Variants in AP3S2 observed in about 807,000 individuals in gnomAD.
The protein encoded by AP3S2 is AP-3 complex subunit sigma-2.
AP3S2 carries 22 observed loss-of-function variants against 23.4 expected under a neutral mutation model. The ratio of observed to expected loss-of-function variants is 0.94; its 90% confidence interval spans 0.67 to 1.34. The LOEUF is 1.34. AP3S2 is among the 40% of genes most tolerant of loss of function. The pLI is 0.00. For missense variants in AP3S2, 241 were observed against 236.9 expected (o/e 1.02, Z -0.11); for synonymous variants, 86 against 87.1 (o/e 0.99, Z 0.07).
At chr15:89,890,795 G>A (rs1262365264) in intron 1 of AP3S2, among the ~76,000 whole-genome samples, 1 of 152,168 alleles carries the variant, frequency 6.6e-6, no homozygotes, top group East Asian at 1.9e-4. Context: ...TTATTTAAAA[G>A]AAACAGAGAG....
intron 3 of AP3S2, among the ~76,000 whole-genome samples, chr15:89,881,614 G>C (rs1294571369): frequency 1.4e-5 from 2 of 141,616 alleles, no homozygotes; most frequent in African/African-American, 4.9e-5. Context: ...GATTTCACTG[G>C]ACAAGTGGTT....
In AP3S2 at chr15:89,854,964, C is replaced by T. The variant is rs1387662197; in HGVS notation, c.345+16511G>A. Among the ~76,000 whole-genome samples the T allele has an allele frequency of 8.9e-5, 7 of 78,888 alleles. 1 individual carries two copies. The highest frequency in any genetic ancestry group is 1.9e-4 in the Non-Finnish European group (7 of 37,060). The allele number at this position is 78,888 out of a possible 152,430, so 51.8% of individuals were successfully genotyped here. Reference sequence around the variant, plus strand: ...CCGGGAGGTGAGGGGCACCTCTGCCCGGCCGCCCCTACTGGGAAGTGAGGA... The same window carrying T: ...CCGGGAGGTGAGGGGCACCTCTGCCTGGCCGCCCCTACTGGGAAGTGAGGA... On this transcript the variant is annotated intron_variant, in intron 4 of 5. Transcript: ENST00000336418.
intron 5 of AP3S2, 21 bp downstream of exon 5, chr15:89,837,594 A>G (rs1383175909): frequency 1.9e-6 from 3 of 1,613,894 alleles, no homozygotes; most frequent in Admixed American, 3.3e-5. Flanking sequence ...AGCCAGGGCT[A>G]GAGCACAGCT....
chr15:89,847,464 G>T (rs919495847), intron 4 of AP3S2, among the ~76,000 whole-genome samples: 1 of 147,628 alleles, frequency 6.8e-6, no homozygotes, highest in African/African-American at 2.5e-5. Context: ...AAAAATAAAA[G>T]TGTTTCTTCA....
In AP3S2 at chr15:89,832,029, G is replaced by A. The variant is rs1014723206; in HGVS notation, c.*3486C>T. 2 of 152,246 alleles carry A rather than the reference G, an allele frequency of 1.3e-5. No homozygotes were observed. The highest frequency in any genetic ancestry group is 4.8e-5 in the African/African-American group (2 of 41,460). The allele number at this position is 152,246 out of a possible 1,614,324, so 9.4% of individuals were successfully genotyped here. A position where few individuals can be genotyped will look rare whatever the true frequency, so the allele number is the denominator to read the frequency against. ...GATGCTCACAGAGACAACAGGAGCA[G>A]ACAGAGCCTTGTTTCTCTCTTAATC... On this transcript the variant is annotated 3_prime_UTR_variant, in exon 6 of 6. Transcript: ENST00000336418.
intron 3 of AP3S2, chr15:89,877,515 C>A: frequency 3.0e-6 from 2 of 657,324 alleles, no homozygotes; most frequent in Non-Finnish European, 4.8e-6. Flanking sequence ...TCATAATGTG[C>A]AACCATCACC....
chr15:89,882,430 A>T (rs1896593887), intron 3 of AP3S2, among the ~76,000 whole-genome samples: 1 of 149,560 alleles, frequency 6.7e-6, no homozygotes, highest in African/African-American at 2.5e-5. Flanking sequence ...ATTTCAGCCC[A>T]CCACAACCCC....
intron 4 of AP3S2, among the ~76,000 whole-genome samples, chr15:89,855,562 T>C (rs1895809050): frequency 6.8e-6 from 1 of 146,304 alleles, no homozygotes; most frequent in African/African-American, 2.5e-5. Context: ...GAATGGACTT[T>C]CCCAGGCCAG....
chr15:89,842,458 G>C (rs1033625268), intron 4 of AP3S2, among the ~76,000 whole-genome samples: 5 of 152,288 alleles, frequency 3.3e-5, no homozygotes, highest in African/African-American at 1.2e-4. Context: ...CTTTAGGTAA[G>C]GTTTCTGGGT....
At chr15:89,849,574 AGC>A (rs1408200601) in intron 4 of AP3S2, among the ~76,000 whole-genome samples, 1 of 152,010 alleles carries the variant, frequency 6.6e-6, no homozygotes, top group Non-Finnish European at 1.5e-5. Flanking sequence ...TCACTATGTT[AGC>A]CAGGATGGTC....
At chr15:89,893,116 A>G (rs1274327535) in intron 1 of AP3S2, 1 of 152,260 alleles carries the variant, frequency 6.6e-6, no homozygotes, top group African/African-American at 2.4e-5. Flanking sequence ...CAACAGACGC[A>G]AGAGTAGAAA....
intron 4 of AP3S2, among the ~76,000 whole-genome samples, chr15:89,869,630 A>C (rs1028348309): frequency 2.7e-5 from 4 of 149,936 alleles, no homozygotes; most frequent in Non-Finnish European, 4.5e-5. Context: ...TGAATCCCTG[A>C]ATCTACACCT....
At chr15:89,854,502 C>T (rs1308951228) in intron 4 of AP3S2, among the ~76,000 whole-genome samples, 3 of 75,788 alleles carry the variant, frequency 4.0e-5, no homozygotes, top group Admixed American at 1.1e-4. Context: ...GGCCAGCCGC[C>T]CCGTCCGGGA....
intron 4 of AP3S2, among the ~76,000 whole-genome samples, chr15:89,861,436 T>C (rs1032767015): frequency 6.6e-6 from 1 of 152,228 alleles, no homozygotes; most frequent in Non-Finnish European, 1.5e-5. Context: ...TAGATCAGAA[T>C]GTTAGGTCAC....
chr15:89,886,394 T>C (rs1008412230), intron 3 of AP3S2: 8 of 152,216 alleles, frequency 5.3e-5, no homozygotes. Flanking sequence ...GTTAGTCTTT[T>C]TGTATTGTTA....
At chr15:89,853,519 G>C (rs1241382995) in intron 4 of AP3S2, among the ~76,000 whole-genome samples, 1 of 152,220 alleles carries the variant, frequency 6.6e-6, no homozygotes, top group Non-Finnish European at 1.5e-5. Context: ...AAGAATCAAT[G>C]AGGGCTGCCA....
At chr15:89,846,114 G>A (rs1160830787) in intron 4 of AP3S2, among the ~76,000 whole-genome samples, 2 of 152,174 alleles carry the variant, frequency 1.3e-5, no homozygotes, top group African/African-American at 2.4e-5. Flanking sequence ...ATCTTAAAAG[G>A]TAAAATGAGG....
In AP3S2 at chr15:89,834,555, C is replaced by A. The variant is rs73478054; in HGVS notation, c.*960G>T. 1 of 152,150 alleles carries A rather than the reference C, an allele frequency of 6.6e-6. No homozygotes were observed. Among genetic ancestry groups the A allele is most frequent in the African/African-American group, 2.4e-5 (1 of 41,404 alleles). 9.4% of individuals were successfully genotyped at this position (152,150 alleles called of 1,614,324 possible). On this transcript the variant is annotated 3_prime_UTR_variant, in exon 6 of 6. Transcript: ENST00000336418. ...GAATACAACTGGGACTAGGACAATG[C>A]GGGAAGCATATTCTTCATGAGGCGG...
intron 4 of AP3S2, among the ~76,000 whole-genome samples, 183 bp downstream of exon 4, chr15:89,871,292 G>T (rs1009625216): frequency 1.1e-4 from 17 of 152,218 alleles, no homozygotes; most frequent in Non-Finnish European, 2.5e-4. Flanking sequence ...ACTGTTAGTA[G>T]ATCTTAGCAA....
Sources: allele counts gnomAD v4.1 joint callset (sites outside exome capture counted in the v4.1 genomes callset), GRCh38; gene constraint gnomAD v4.1.1; transcripts MANE v1.5; gene names NCBI Gene and HGNC (gene_info 2026-07-23, HGNC 2026-07-21).